ARHGAP23: variants seen among roughly 807,000 people sequenced by gnomAD.
ARHGAP23 encodes Rho GTPase activating protein 23.
ARHGAP23 carries 34 observed loss-of-function variants against 136.3 expected under a neutral mutation model. The observed-to-expected ratio is 0.25, with a 90% CI of 0.19 to 0.33. The LOEUF (loss-of-function observed/expected upper bound fraction) is 0.33, where lower values mean the gene tolerates loss of function less well. ARHGAP23 is among the 10% of genes least tolerant of loss of function. The pLI is 1.00. For synonymous variants in ARHGAP23, 832 were observed against 920.5 expected (o/e 0.90, Z 1.74); for missense variants, 1,808 against 2,139.0 (o/e 0.85, Z 3.05).
chr17:38,461,945 G>C (rs560839660), intron 3 of ARHGAP23, among the ~76,000 whole-genome samples: 1 of 152,062 alleles, frequency 6.6e-6, no homozygotes, highest in Non-Finnish European at 1.5e-5. Context: ...CAAGGGCTGT[G>C]CTTGTTCATC....
chr17:38,511,154 C>T lies in ARHGAP23; in HGVS notation c.*182C>T, dbSNP rs921278714. On this transcript the variant is annotated 3_prime_UTR_variant, in exon 24 of 24. Coordinates refer to ENST00000622683, the MANE Select transcript of ARHGAP23 (RefSeq NM_001199417.2). ...GGCAGGGCAGAGGAGAAGGCTGGGG[C>T]CGGACTAATTGAATGGAAGGGGGTT... 13 of 652,066 alleles carry T rather than the reference C, an allele frequency of 2.0e-5. No homozygotes were observed. The Admixed American group carries it at 3.0e-4, about 15-fold the overall frequency. 40.4% of individuals were successfully genotyped at this position (652,066 alleles called of 1,614,324 possible). A position where few individuals can be genotyped will look rare whatever the true frequency, so the allele number is the denominator to read the frequency against.
chr17:38,456,112 C>G (rs188271569), intron 1 of ARHGAP23, among the ~76,000 whole-genome samples: 53 of 152,298 alleles, frequency 3.5e-4, no homozygotes, highest in African/African-American at 1.2e-3. Context: ...CTCCACTCAG[C>G]CTCTTGTATA....
intron 6 of ARHGAP23, among the ~76,000 whole-genome samples, chr17:38,464,790 A>T (rs982150443): frequency 6.6e-6 from 1 of 152,180 alleles, no homozygotes; most frequent in African/African-American, 2.4e-5. Context: ...GTGGGCTGGC[A>T]GCGCCAGATG....
Position 38,462,989 on chromosome 17 carries a change from G to C in ARHGAP23, c.349+48G>C, listed in dbSNP as rs1345520199. ...GCTCTACTTTCTACCTTCTGGCTAG[G>C]ATTTTATTCTCAGATCCAGGTGTTG... is the stretch of plus-strand genomic sequence containing the variant. On this transcript the variant is annotated intron_variant, in intron 4 of 23. Transcript: ENST00000622683. 3.2e-6 allele frequency: 5 copies of C among 1,542,966 alleles called. No homozygotes were observed. The Admixed American group carries it at 6.1e-5, about 19-fold the overall frequency.
At chr17:38,499,619 G>A (rs1190016404) in intron 22 of ARHGAP23, among the ~76,000 whole-genome samples, 2 of 152,152 alleles carry the variant, frequency 1.3e-5, no homozygotes, top group African/African-American at 4.8e-5. Context: ...AGAAGACATG[G>A]GGGTGGGACG....
At chr17:38,465,842 C>A (rs570957844) in intron 6 of ARHGAP23, among the ~76,000 whole-genome samples, 1 of 152,192 alleles carries the variant, frequency 6.6e-6, no homozygotes, top group African/African-American at 2.4e-5. Flanking sequence ...AGGGGGCAGG[C>A]AGGCGGTGGA....
chr17:38,477,355 GCTTTA>G lies in ARHGAP23; in HGVS notation c.2119-223_2119-219del, dbSNP rs2039917859. Among the ~76,000 whole-genome samples, 1 of 151,828 alleles carries G rather than the reference GCTTTA, an allele frequency of 6.6e-6. No individual in the cohort carries two copies. The highest frequency in any genetic ancestry group is 1.9e-4 in the East Asian group (1 of 5,174). On this transcript the variant is annotated intron_variant, in intron 11 of 23. Coordinates refer to ENST00000622683, the MANE Select transcript of ARHGAP23 (RefSeq NM_001199417.2). This position sits in a 1 kb window ranked among gnomAD's most constrained non-coding sequence, Gnocchi z 6.6. ...GGAGAGGGTTGGGGTCTGCTGGGGG[GCTTTA>G]GGATGATGGGTAGGGGTGTCTAGGC...
At chr17:38,493,346 C>A (rs1399481356) in intron 20 of ARHGAP23, among the ~76,000 whole-genome samples, 1 of 151,980 alleles carries the variant, frequency 6.6e-6, no homozygotes, top group Non-Finnish European at 1.5e-5. Context: ...CACCACCACA[C>A]CACCTGGCTA....
intron 1 of ARHGAP23, among the ~76,000 whole-genome samples, chr17:38,446,594 G>T (rs1222451832): frequency 2.7e-5 from 4 of 149,466 alleles, no homozygotes; most frequent in African/African-American, 1.0e-4. Flanking sequence ...GGATCATATG[G>T]TAATTCTGTG....
At chr17:38,426,299 T>G (rs2038568687), upstream of ARHGAP23, among the ~76,000 whole-genome samples, 1 of 151,552 alleles carries the variant, frequency 6.6e-6, no homozygotes, top group African/African-American at 2.4e-5. Context: ...TCCCAGCACT[T>G]TAGGAGGCCG....
intron 20 of ARHGAP23, among the ~76,000 whole-genome samples, chr17:38,495,294 C>T (rs1005157050): frequency 1.9e-4 from 28 of 149,696 alleles, no homozygotes; most frequent in Admixed American, 8.0e-4. Flanking sequence ...TGCAACGGCG[C>T]GGTCTCCACT....
At position 38,428,643 on chromosome 17, in the gene ARHGAP23, A is replaced by G. The variant is rs2038615151; in HGVS notation, c.63+95A>G. The G allele has an allele frequency of 3.5e-6, 3 of 845,330 alleles. No homozygotes were observed. In the Admixed American group the frequency reaches 1.3e-4, roughly 38 times the overall value. 52.4% of individuals were successfully genotyped at this position (845,330 alleles called of 1,614,324 possible). A position where few individuals can be genotyped will look rare whatever the true frequency, so the allele number is the denominator to read the frequency against. On this transcript the variant is annotated intron_variant, in intron 1 of 23. Coordinates refer to ENST00000622683, the MANE Select transcript of ARHGAP23 (RefSeq NM_001199417.2). ...CGCTGCGACCCCGCTCGCCCTGCAC[A>G]GCCTGGGGCGCACGGTGGGCGCGGG...
intron 6 of ARHGAP23, among the ~76,000 whole-genome samples, chr17:38,463,837 G>A (rs2039518543): frequency 6.6e-6 from 1 of 152,064 alleles, no homozygotes; most frequent in Admixed American, 6.5e-5. Context: ...CAGCCACACA[G>A]CACAGCCCCA....
chr17:38,482,792 C>T (rs1363431885), intron 16 of ARHGAP23, 114 bp downstream of exon 16: 17 of 1,248,808 alleles, frequency 1.4e-5, no homozygotes, highest in Non-Finnish European at 1.9e-5. Context: ...TATGACATGC[C>T]CGGCATTGGT....
chr17:38,466,461 C>T lies in ARHGAP23; in HGVS notation c.778C>T (p.Leu260Phe). ...CCCCAGCCCTGGTGCCTTCCCCCAC[C>T]TCTCCTCGGAGCCCCGGACGCCCCG... is the stretch of plus-strand genomic sequence containing the variant. ...PRPSPGAFPH[L>F]SSEPRTPRAF... The change falls in exon 7 of 24, where the codon CTC (leucine) becomes TTC (phenylalanine). Residue 260 changes from leucine (L) to phenylalanine (F), a missense_variant. Transcript: ENST00000622683. 1 of 1,522,530 alleles carries T rather than the reference C, an allele frequency of 6.6e-7. No individual in the cohort carries two copies. The highest frequency in any genetic ancestry group is 8.8e-7 in the Non-Finnish European group (1 of 1,137,756). 94.3% of individuals were successfully genotyped at this position (1,522,530 alleles called of 1,614,324 possible).
rs1351381730 is a variant in ARHGAP23 at position 38,510,186 on chromosome 17, T to A, written c.3690T>A (p.Ser1230Arg). 2 of 1,343,158 alleles carry A rather than the reference T, an allele frequency of 1.5e-6. No individual in the cohort carries two copies. Among genetic ancestry groups the A allele is most frequent in the Non-Finnish European group, 1.9e-6 (2 of 1,050,498 alleles). 83.2% of individuals were successfully genotyped at this position (1,343,158 alleles called of 1,614,324 possible). A position where few individuals can be genotyped will look rare whatever the true frequency, so the allele number is the denominator to read the frequency against. Residue 1230 changes from serine to arginine, a missense_variant, in exon 24 of 24, where the codon AGT becomes AGA. Ser to Arg is a moderately radical substitution (Grantham distance 110, BLOSUM62 -1). Coordinates refer to ENST00000622683, the MANE Select transcript of ARHGAP23 (RefSeq NM_001199417.2). This position sits in a 1 kb window ranked among gnomAD's most constrained non-coding sequence, Gnocchi z 4.6. ...CCCCCGAGGCCCCCGGACGCCTCAG[T>A]CCCCCGGCGGCGCCGGAGGAGCGGC... Reference protein sequence around the residue: ...AVAPEAPGRLSPPAAPEERPA... With the variant: ...AVAPEAPGRLRPPAAPEERPA...
intron 23 of ARHGAP23, among the ~76,000 whole-genome samples, chr17:38,505,601 T>C (rs1438215808): frequency 6.6e-6 from 1 of 152,218 alleles, no homozygotes; most frequent in Non-Finnish European, 1.5e-5. Context: ...GATATTGGAA[T>C]GCAGGGATTC....
chr17:38,480,803 CA>C (rs764004002), intron 14 of ARHGAP23, among the ~76,000 whole-genome samples: 868 of 48,314 alleles, frequency 0.018, 3 homozygotes, highest in South Asian at 0.053. Context: ...GACCCTGTCT[CA>C]AAAAAAAAAA....
upstream of ARHGAP23, among the ~76,000 whole-genome samples, chr17:38,425,585 G>T (rs898811908): frequency 2.6e-5 from 4 of 152,182 alleles, no homozygotes; most frequent in South Asian, 8.3e-4. Flanking sequence ...TGGTGATTGG[G>T]CTGGGGAAGG....
Sources: gnomAD v4.1 joint callset for allele counts (sites outside exome capture counted in the v4.1 genomes callset) on GRCh38, gnomAD v4.1.1 for gene constraint, Gnocchi (gnomAD v3.1) non-coding constraint, MANE v1.5 for transcripts, NCBI Gene and HGNC (gene_info 2026-07-23, HGNC 2026-07-21) for gene names.